Variants in CRPPA observed in about 807,000 individuals in gnomAD.
CRPPA encodes D-ribitol-5-phosphate cytidylyltransferase.
Under a neutral mutation model 52.0 loss-of-function variants are expected in CRPPA, and 43 were observed. The ratio of observed to expected loss-of-function variants is 0.83; its 90% CI spans 0.65 to 1.07. CRPPA has a LOEUF of 1.07. Among genes scored for constraint, CRPPA ranks in the 50% least tolerant of loss-of-function variants. CRPPA has a pLI of 0.00. For missense variants in CRPPA, 629 were observed against 551.7 expected (o/e 1.14, Z -1.40); for synonymous variants, 250 against 203.5 (o/e 1.23, Z -1.94).
intron 9 of CRPPA, among the ~76,000 whole-genome samples, chr7:16,098,957 G>A (rs112868937): frequency 3.8e-4 from 58 of 152,332 alleles, no homozygotes; most frequent in African/African-American, 1.3e-3. Context: ...TAATACTAAT[G>A]AAAATGCACT....
At chr7:16,399,391 G>C (rs1052774056) in intron 2 of CRPPA, among the ~76,000 whole-genome samples, 1 of 146,150 alleles carries the variant, frequency 6.8e-6, no homozygotes, top group South Asian at 2.3e-4. Context: ...CGATTGAAGT[G>C]ATTGGCATGT....
intron 3 of CRPPA, among the ~76,000 whole-genome samples, chr7:16,346,201 G>A (rs1583536827): frequency 6.6e-6 from 1 of 152,148 alleles, no homozygotes; most frequent in Admixed American, 6.6e-5. Context: ...TAAAGTCCCT[G>A]CCTTTGTGGA....
intron 3 of CRPPA, among the ~76,000 whole-genome samples, chr7:16,337,272 G>A (rs535481207): frequency 6.6e-6 from 1 of 152,060 alleles, no homozygotes; most frequent in East Asian, 1.9e-4. Context: ...ATTTTTTCAG[G>A]TCACAAAACC....
chr7:16,259,016 G>A lies in CRPPA; in HGVS notation c.934-4C>T. Reference sequence around the variant, plus strand: ...CCTCAGATGTGACTTTTACATGCTAGTAGGAAAAAACAGAAATGAATTCAC... The same window carrying A: ...CCTCAGATGTGACTTTTACATGCTAATAGGAAAAAACAGAAATGAATTCAC... On this transcript the variant is annotated splice_region_variant and splice_polypyrimidine_tract_variant and intron_variant, in intron 6 of 9. Coordinates refer to ENST00000407010, the MANE Select transcript of CRPPA (RefSeq NM_001101426.4). 5 of 1,599,046 alleles carry A rather than the reference G, an allele frequency of 3.1e-6. No homozygotes were observed. The highest frequency in any genetic ancestry group is 4.3e-6 in the Non-Finnish European group (5 of 1,171,000).
intron 9 of CRPPA, among the ~76,000 whole-genome samples, chr7:16,099,591 C>T (rs148836683): frequency 2.0e-4 from 30 of 152,134 alleles, no homozygotes; most frequent in African/African-American, 5.5e-4. Flanking sequence ...CGATACTTTA[C>T]GGAGCAGGAA....
At chr7:16,416,891 C>T (rs912262950) in intron 1 of CRPPA, among the ~76,000 whole-genome samples, 1 of 152,046 alleles carries the variant, frequency 6.6e-6, no homozygotes, top group African/African-American at 2.4e-5. Flanking sequence ...TCAGAGTAAA[C>T]AGTTTTTGCA....
At position 16,363,608 on chromosome 7, in the gene CRPPA, A is replaced by G. The variant is rs151258967; in HGVS notation, c.684+12484T>C. ...AAATTAAAGGTAGATTAAATTTGAT[A>G]AAGTCTTTATCAAAAAAAGAAAACC... On this transcript the variant is annotated intron_variant, in intron 3 of 9. Transcript: ENST00000407010. Among the ~76,000 whole-genome samples, 1,238 of 152,330 alleles carry G rather than the reference A, an allele frequency of 8.1e-3. 10 individuals carry two copies. The highest frequency in any genetic ancestry group is 0.048 in the South Asian group (231 of 4,828).
At chr7:16,098,402 T>C (rs1781975710) in intron 9 of CRPPA, among the ~76,000 whole-genome samples, 1 of 152,208 alleles carries the variant, frequency 6.6e-6, no homozygotes, top group Non-Finnish European at 1.5e-5. Flanking sequence ...TCTCAGCAAA[T>C]TCCATACCTA....
intron 8 of CRPPA, among the ~76,000 whole-genome samples, chr7:16,238,466 G>A (rs1783009284): frequency 6.6e-6 from 1 of 152,026 alleles, no homozygotes; most frequent in Non-Finnish European, 1.5e-5. Flanking sequence ...GGAAGGGCTT[G>A]GATAGACATG....
intron 4 of CRPPA, among the ~76,000 whole-genome samples, chr7:16,305,622 C>T (rs1784890851): frequency 6.6e-6 from 1 of 152,126 alleles, no homozygotes; most frequent in South Asian, 2.1e-4. Context: ...AATCCCAGCA[C>T]TTTGGGAGGC....
intron 3 of CRPPA, among the ~76,000 whole-genome samples, chr7:16,344,523 C>T (rs994883901): frequency 6.6e-6 from 1 of 151,264 alleles, no homozygotes; most frequent in Non-Finnish European, 1.5e-5. Flanking sequence ...ATCATGCCAA[C>T]CTGAGCAACA....
At chr7:16,103,782 G>C (rs1181093380) in intron 9 of CRPPA, among the ~76,000 whole-genome samples, 4 of 152,136 alleles carry the variant, frequency 2.6e-5, no homozygotes, top group African/African-American at 9.7e-5. Flanking sequence ...CAGAACATAT[G>C]ATAACTTATA....
At chr7:16,395,517 AATATTTCACATATTT>A (rs757292578) in intron 2 of CRPPA, among the ~76,000 whole-genome samples, 76 of 152,356 alleles carry the variant, frequency 5.0e-4, no homozygotes, top group Non-Finnish European at 7.6e-4. Flanking sequence ...TATAAGATTG[AATATTTCACATATTT>A]AATCATAGAA....
chr7:16,170,664 G>A lies in CRPPA; in HGVS notation c.1251+45402C>T, dbSNP rs189313198. On this transcript the variant is annotated intron_variant, in intron 9 of 9. Transcript: ENST00000407010. ...CCTTATCTGTCACACAGGGGGCGGG[G>A]GAGAGAGGGAGCAGGCTCGGAGCAT... Among the ~76,000 whole-genome samples, 499 of 152,350 alleles carry A rather than the reference G, an allele frequency of 3.3e-3. 3 individuals carry two copies. Among genetic ancestry groups the A allele is most frequent in the Middle Eastern group, 6.8e-3 (2 of 294 alleles).
intron 9 of CRPPA, among the ~76,000 whole-genome samples, chr7:16,203,314 G>T (rs777982776): frequency 8.5e-5 from 13 of 152,138 alleles, no homozygotes; most frequent in Non-Finnish European, 1.5e-4. Flanking sequence ...TCTCGTTCAT[G>T]AAGTTTGGGT....
chr7:16,112,794 C>A (rs1562509965), intron 9 of CRPPA, among the ~76,000 whole-genome samples: 1 of 152,010 alleles, frequency 6.6e-6, no homozygotes, highest in African/African-American at 2.4e-5. Flanking sequence ...AATGGGAACT[C>A]CTTTATTCAT....
At chr7:16,384,679 G>A (rs75436395) in intron 2 of CRPPA, among the ~76,000 whole-genome samples, 3,921 of 152,214 alleles carry the variant, frequency 0.026, 68 homozygotes, top group East Asian at 0.13. Context: ...TCCACCCTCT[G>A]AAAAAGCAAC....
chr7:16,177,121 G>T (rs887266985), intron 9 of CRPPA, among the ~76,000 whole-genome samples: 3 of 152,162 alleles, frequency 2.0e-5, no homozygotes, highest in East Asian at 3.9e-4. Flanking sequence ...TGACAGAAGA[G>T]AAATCAATAG....
At chr7:16,375,963 T>A (rs2128312028) in intron 3 of CRPPA, 129 bp downstream of exon 3, 1 of 855,466 alleles carries the variant, frequency 1.2e-6, no homozygotes, top group Non-Finnish European at 1.7e-6. Flanking sequence ...TAATACTTCA[T>A]TGTAATAAGT....
Sources: allele counts gnomAD v4.1 joint callset (sites outside exome capture counted in the v4.1 genomes callset), GRCh38; gene constraint gnomAD v4.1.1; transcripts MANE v1.5; gene names NCBI Gene and HGNC (gene_info 2026-07-23, HGNC 2026-07-21).